KCTD16: variants seen among roughly 807,000 people sequenced by gnomAD.
The protein encoded by KCTD16 is BTB/POZ domain-containing protein KCTD16.
KCTD16 carries 13 observed loss-of-function variants against 33.2 expected under a neutral mutation model. That is an observed-to-expected ratio of 0.39 (90% CI 0.25 to 0.62). KCTD16 has a LOEUF of 0.62. Ranked by LOEUF, KCTD16 falls within the 20% of genes least tolerant of loss-of-function variation. KCTD16 has a pLI of 0.50. For missense variants in KCTD16, 441 were observed against 525.1 expected (o/e 0.84, Z 1.57); for synonymous variants, 197 against 195.3 (o/e 1.01, Z -0.07).
At chr5:144,180,463 CA>C (rs996370347) in intron 2 of KCTD16, among the ~76,000 whole-genome samples, 3 of 152,078 alleles carry the variant, frequency 2.0e-5, no homozygotes, top group African/African-American at 7.2e-5. Context: ...AACAAACAAA[CA>C]AAAAACTCCA....
intron 3 of KCTD16, among the ~76,000 whole-genome samples, chr5:144,213,225 TTTC>T (rs1424959094): frequency 6.6e-6 from 1 of 152,032 alleles, no homozygotes; most frequent in African/African-American, 2.4e-5. Flanking sequence ...GTTTGCTAAT[TTTC>T]TTTTCTCTCA....
chr5:144,188,812 A>G (rs1161879171), intron 2 of KCTD16, among the ~76,000 whole-genome samples: 1 of 152,016 alleles, frequency 6.6e-6, no homozygotes, highest in Non-Finnish European at 1.5e-5. Flanking sequence ...CTAATCAAAT[A>G]CTCACCTCCC....
chr5:144,463,779 CAAAT>C (rs1159626515), intron 3 of KCTD16, among the ~76,000 whole-genome samples: 1 of 152,178 alleles, frequency 6.6e-6, no homozygotes, highest in Non-Finnish European at 1.5e-5. Flanking sequence ...TTATAAATCT[CAAAT>C]AAGCCTCTGT....
intron 3 of KCTD16, among the ~76,000 whole-genome samples, chr5:144,419,208 A>T (rs1183529840): frequency 6.6e-6 from 1 of 152,158 alleles, no homozygotes; most frequent in African/African-American, 2.4e-5. Context: ...CTCCCACACT[A>T]TTGTAATTTG....
intron 3 of KCTD16, among the ~76,000 whole-genome samples, chr5:144,294,438 C>T (rs551763787): frequency 6.6e-6 from 1 of 152,106 alleles, no homozygotes; most frequent in African/African-American, 2.4e-5. Context: ...TTTAATGGTG[C>T]TCATGTTCCC....
At chr5:144,334,987 C>T (rs1475359679) in intron 3 of KCTD16, among the ~76,000 whole-genome samples, 1 of 151,910 alleles carries the variant, frequency 6.6e-6, no homozygotes, top group Non-Finnish European at 1.5e-5. Flanking sequence ...ACTATGTTGC[C>T]CAGGCCAGTC....
intron 3 of KCTD16, among the ~76,000 whole-genome samples, chr5:144,403,144 A>C (rs568635593): frequency 4.6e-5 from 7 of 152,282 alleles, no homozygotes; most frequent in African/African-American, 1.4e-4. Flanking sequence ...ATCCAGGGTT[A>C]TCTCCCATCT....
chr5:144,198,104 A>G (rs1416875982), intron 2 of KCTD16, among the ~76,000 whole-genome samples: 1 of 152,202 alleles, frequency 6.6e-6, no homozygotes, highest in African/African-American at 2.4e-5. Context: ...CCAAATGAAA[A>G]GATCCCTGCT....
In KCTD16 at chr5:144,270,531, T is replaced by C. The variant is rs2126846342; in HGVS notation, c.832+62985T>C. On this transcript the variant is annotated intron_variant, in intron 3 of 3. Transcript: ENST00000512467. ...CTTATGAGATATAGTTAAAGCATTG[T>C]AAGAAGAAATTTTATAGCTATAAAA... Among the ~76,000 whole-genome samples, 5 of 151,448 alleles carry C rather than the reference T, an allele frequency of 3.3e-5. No individual in the cohort carries two copies. The Middle Eastern group carries it at 0.017, about 526-fold the overall frequency.
At chr5:144,467,861 C>T (rs970513145) in intron 3 of KCTD16, among the ~76,000 whole-genome samples, 2 of 152,154 alleles carry the variant, frequency 1.3e-5, no homozygotes, top group Non-Finnish European at 2.9e-5. Flanking sequence ...CCTTTATACT[C>T]TATTTGTGAT....
intron 3 of KCTD16, among the ~76,000 whole-genome samples, chr5:144,219,775 C>T (rs1753683144): frequency 6.6e-6 from 1 of 152,088 alleles, no homozygotes; most frequent in Non-Finnish European, 1.5e-5. Flanking sequence ...CCACCCGCCT[C>T]GGCCTCCCAA....
At chr5:144,419,453 A>G (rs928432750) in intron 3 of KCTD16, among the ~76,000 whole-genome samples, 4 of 152,126 alleles carry the variant, frequency 2.6e-5, no homozygotes, top group Admixed American at 2.6e-4. Flanking sequence ...AACAAGGTAT[A>G]CTCTTGTCAA....
At chr5:144,318,088 A>G (rs1561565216) in intron 3 of KCTD16, among the ~76,000 whole-genome samples, 2 of 152,196 alleles carry the variant, frequency 1.3e-5, no homozygotes, top group African/African-American at 4.8e-5. Flanking sequence ...TCTCCTGGCT[A>G]TGCAATGTTT....
At chr5:144,209,996 A>G (rs1180120205) in intron 3 of KCTD16, among the ~76,000 whole-genome samples, 1 of 151,452 alleles carries the variant, frequency 6.6e-6, no homozygotes, top group Non-Finnish European at 1.5e-5. Flanking sequence ...AATAAGGCAG[A>G]GTCACTTTGC....
Position 144,228,755 on chromosome 5 carries a change from A to G in KCTD16, c.832+21209A>G, listed in dbSNP as rs114371285. Among the ~76,000 whole-genome samples, 842 of 152,324 alleles carry G rather than the reference A, an allele frequency of 5.5e-3. 6 individuals carry two copies. The highest frequency in any genetic ancestry group is 0.019 in the African/African-American group (790 of 41,574). ...AGTAAGAAGGAATGAGATTGAGTGC[A>G]TAAAGAATTTGTTATGAGCCTTGTC... On this transcript the variant is annotated intron_variant, in intron 3 of 3. Transcript: ENST00000512467.
intron 3 of KCTD16, among the ~76,000 whole-genome samples, chr5:144,286,788 C>T (rs1448231640): frequency 6.6e-6 from 1 of 152,120 alleles, no homozygotes; most frequent in Non-Finnish European, 1.5e-5. Flanking sequence ...TTAATGATAT[C>T]ATGGTAAGTT....
chr5:144,171,363 G>A (rs1235736785), intron 1 of KCTD16, among the ~76,000 whole-genome samples: 1 of 152,056 alleles, frequency 6.6e-6, no homozygotes. Flanking sequence ...GGAGGATAAG[G>A]GAAAATAGCC....
At chr5:144,420,911 G>A (rs1038668990) in intron 3 of KCTD16, among the ~76,000 whole-genome samples, 15 of 152,068 alleles carry the variant, frequency 9.9e-5, no homozygotes, top group Non-Finnish European at 1.6e-4. Context: ...TGAATTTCAC[G>A]CTTGATGAAA....
intron 3 of KCTD16, among the ~76,000 whole-genome samples, chr5:144,380,007 T>C (rs1361127379): frequency 6.6e-6 from 1 of 152,158 alleles, no homozygotes; most frequent in Non-Finnish European, 1.5e-5. Flanking sequence ...TTTATACATA[T>C]ATGCAGTTGC....
Sources: allele counts gnomAD v4.1 joint callset (sites outside exome capture counted in the v4.1 genomes callset), GRCh38; gene constraint gnomAD v4.1.1; transcripts MANE v1.5; gene names NCBI Gene and HGNC (gene_info 2026-07-23, HGNC 2026-07-21).